The following UMAD1 variants were observed in gnomAD, a reference collection of about 807,000 sequenced individuals.
UMAD1 encodes the protein UBAP1-MVB12-associated (UMA) domain containing 1, also known as UBAP1-MVB12-associated (UMA)-domain containing protein 1.
UMAD1 carries 8 observed loss-of-function variants against 6.1 expected under a neutral mutation model. The ratio of observed to expected loss-of-function variants is 1.30; its 90% CI spans 0.76 to 2.35. The LOEUF (loss-of-function observed/expected upper bound fraction) is 2.35. Among genes scored for constraint, UMAD1 ranks in the 30% most tolerant of loss-of-function variants. UMAD1 has a pLI of 0.00. For missense variants in UMAD1, 130 were observed against 78.4 expected, an observed-to-expected ratio of 1.66 and a Z score of -2.49; for synonymous variants, 56 against 31.4, an observed-to-expected ratio of 1.78 and a Z score of -2.61.
intron 3 of UMAD1, among the ~76,000 whole-genome samples, chr7:7,850,977 T>A (rs566780735): frequency 6.6e-6 from 1 of 152,298 alleles, no homozygotes; most frequent in Non-Finnish European, 1.5e-5. Context: ...ACTTCTTTTA[T>A]GAGTCTAATT....
intron 2 of UMAD1, among the ~76,000 whole-genome samples, chr7:7,703,019 CAGG>C (rs1282701442): frequency 2.0e-5 from 3 of 152,200 alleles, no homozygotes; most frequent in Non-Finnish European, 4.4e-5. Flanking sequence ...AGCAGAATTT[CAGG>C]AGAATGCCTT....
At chr7:7,777,332 C>G (rs1254582028) in intron 2 of UMAD1, among the ~76,000 whole-genome samples, 1 of 151,224 alleles carries the variant, frequency 6.6e-6, no homozygotes. Flanking sequence ...TGGTGAAACC[C>G]TATCTCTACT....
At chr7:7,668,654 T>G (rs1779529975) in intron 1 of UMAD1, among the ~76,000 whole-genome samples, 1 of 152,230 alleles carries the variant, frequency 6.6e-6, no homozygotes, top group Non-Finnish European at 1.5e-5. Flanking sequence ...AGTTCATTTC[T>G]TATGGCATAT....
rs201307561 is a variant in UMAD1, at chr7:7,741,578, A to AAATAATAATAAT, written c.83-60065_83-60054dup. Among the ~76,000 whole-genome samples, 579 of 139,392 alleles carry AAATAATAATAAT rather than the reference A, an allele frequency of 4.2e-3. 3 individuals carry two copies. The highest frequency in any genetic ancestry group is 7.8e-3 in the South Asian group (34 of 4,354). The allele number at this position is 139,392 out of a possible 152,430, so 91.4% of individuals were successfully genotyped here. A position where few individuals can be genotyped will look rare whatever the true frequency, so the allele number is the denominator to read the frequency against. On this transcript the variant is annotated intron_variant, in intron 2 of 3. Transcript: ENST00000682710. ...GGCTACAGAGCGAGACAACGTCTCA[A>AAATAATAATAAT]AATAATAATAATAATAATAATAATA...
At chr7:7,686,696 A>C (rs1279236891) in intron 2 of UMAD1, among the ~76,000 whole-genome samples, 1 of 152,172 alleles carries the variant, frequency 6.6e-6, no homozygotes, top group Non-Finnish European at 1.5e-5. Flanking sequence ...CTTTAGCTTC[A>C]CTGTGATATG....
At chr7:7,706,290 T>G (rs1780597346) in intron 2 of UMAD1, among the ~76,000 whole-genome samples, 1 of 152,136 alleles carries the variant, frequency 6.6e-6, no homozygotes, top group Non-Finnish European at 1.5e-5. Context: ...GTACAGATTT[T>G]GGGAAAATCT....
intron 2 of UMAD1, among the ~76,000 whole-genome samples, chr7:7,748,660 C>T (rs553469132): frequency 3.3e-5 from 5 of 152,106 alleles, no homozygotes; most frequent in East Asian, 3.9e-4. Context: ...ACCAAATTCC[C>T]ATCTATTACC....
intron 2 of UMAD1, among the ~76,000 whole-genome samples, chr7:7,685,314 C>CT (rs34968724): frequency 0.62 from 89,361 of 143,708 alleles, 27,971 homozygotes; most frequent in East Asian, 0.86. Context: ...ACACATTGAT[C>CT]TTTTTTTTTT....
chr7:7,675,366 A>C (rs186989878), intron 2 of UMAD1, among the ~76,000 whole-genome samples: 15 of 152,106 alleles, frequency 9.9e-5, no homozygotes, highest in Admixed American at 9.8e-4. Context: ...TTTAACCACC[A>C]CTGCAGTGGC....
rs1223902381 is a variant in UMAD1, at chr7:7,702,021, A to G, written c.82+28568A>G. 4.6e-5 allele frequency among the ~76,000 whole-genome samples: 7 copies of G among 152,376 alleles called. No homozygotes were observed. The South Asian group carries it at 1.0e-3, about 23-fold the overall frequency. Reference sequence around the variant, plus strand: ...TTTGTAAAAAGTAGAACTGAAATTCATATTGAAATTCAGATAGAGAAGGTA... The same window carrying G: ...TTTGTAAAAAGTAGAACTGAAATTCGTATTGAAATTCAGATAGAGAAGGTA... On this transcript the variant is annotated intron_variant, in intron 2 of 3. Coordinates refer to ENST00000682710, the MANE Select transcript of UMAD1 (RefSeq NM_001302348.2).
chr7:7,712,809 G>C (rs73352725), intron 2 of UMAD1, among the ~76,000 whole-genome samples: 1,777 of 152,112 alleles, frequency 0.012, 36 homozygotes, highest in African/African-American at 0.041. Context: ...AATACATTTT[G>C]TTTTTTTGGG....
intron 3 of UMAD1, among the ~76,000 whole-genome samples, chr7:7,853,866 A>C (rs926622920): frequency 1.3e-5 from 2 of 152,172 alleles, no homozygotes; most frequent in African/African-American, 2.4e-5. Context: ...AGTAGCAAGA[A>C]TGGATACCTT....
intron 3 of UMAD1, among the ~76,000 whole-genome samples, chr7:7,802,667 G>T (rs766959798): frequency 1.3e-5 from 2 of 152,170 alleles, no homozygotes; most frequent in Non-Finnish European, 2.9e-5. Context: ...TTTCTACGTA[G>T]TGACACACCT....
intron 3 of UMAD1, among the ~76,000 whole-genome samples, chr7:7,827,779 A>G (rs1379550654): frequency 6.6e-6 from 1 of 152,212 alleles, no homozygotes; most frequent in Non-Finnish European, 1.5e-5. Context: ...GTGGTTTAAG[A>G]CAAAGATGAA....
chr7:7,685,334 G>A (rs1489017585), intron 2 of UMAD1, among the ~76,000 whole-genome samples: 2 of 143,122 alleles, frequency 1.4e-5, no homozygotes, highest in East Asian at 2.1e-4. Context: ...TTTTTGAGAC[G>A]GAGTCTTGCT....
chr7:7,678,434 T>C lies in UMAD1; in HGVS notation c.82+4981T>C, dbSNP rs972677169. Among the ~76,000 whole-genome samples the C allele has an allele frequency of 8.4e-5, 12 of 143,538 alleles. No homozygotes were observed. In the Admixed American group the frequency reaches 8.5e-4, roughly 10 times the overall value. The allele number at this position is 143,538 out of a possible 152,430, so 94.2% of individuals were successfully genotyped here. A position where few individuals can be genotyped will look rare whatever the true frequency, so the allele number is the denominator to read the frequency against. On this transcript the variant is annotated intron_variant, in intron 2 of 3. Coordinates refer to ENST00000682710, the MANE Select transcript of UMAD1 (RefSeq NM_001302348.2). ...TAAAAAAATATATTTATATATTATT[T>C]AATATATATTTAATTTTATATAATA... is the stretch of plus-strand genomic sequence containing the variant.
chr7:7,829,741 G>T (rs1353016812), intron 3 of UMAD1, among the ~76,000 whole-genome samples: 2 of 152,168 alleles, frequency 1.3e-5, no homozygotes, highest in Admixed American at 6.6e-5. Context: ...AAAGGTATAT[G>T]TTAATTTTGT....
chr7:7,718,189 C>T (rs1259956243), intron 2 of UMAD1, among the ~76,000 whole-genome samples: 1 of 152,078 alleles, frequency 6.6e-6, no homozygotes, highest in Non-Finnish European at 1.5e-5. Flanking sequence ...GTGATTTTTC[C>T]AAATAATGTG....
At position 7,796,244 on chromosome 7, in the gene UMAD1, C is replaced by CTTTTTTTTTTTTTTTTTTTTTT. The variant is rs59221325; in HGVS notation, c.83-5423_83-5402dup. On this transcript the variant is annotated intron_variant, in intron 2 of 3. Transcript: ENST00000682710. ...ACTTTGACCCATTTCTATTTTCTTT[C>CTTTTTTTTTTTTTTTTTTTTTT]TTTTTTTTTTTTTTTTTTTTTTTTG... Among the ~76,000 whole-genome samples, 112 of 63,946 alleles carry CTTTTTTTTTTTTTTTTTTTTTT rather than the reference C, an allele frequency of 1.8e-3. 19 individuals are homozygous for CTTTTTTTTTTTTTTTTTTTTTT. The highest frequency in any genetic ancestry group is 6.9e-3 in the African/African-American group (71 of 10,238). 42.0% of individuals were successfully genotyped at this position (63,946 alleles called of 152,430 possible). A position where few individuals can be genotyped will look rare whatever the true frequency, so the allele number is the denominator to read the frequency against.
Sources: gnomAD v4.1 joint callset for allele counts (sites outside exome capture counted in the v4.1 genomes callset) on GRCh38, gnomAD v4.1.1 for gene constraint, MANE v1.5 for transcripts, NCBI Gene and HGNC (gene_info 2026-07-23, HGNC 2026-07-21) for gene names.